Variants in RNF185 observed in about 807,000 individuals in gnomAD.
The protein encoded by RNF185 is E3 ubiquitin-protein ligase RNF185.
A neutral mutation model predicts 24.9 loss-of-function variants in RNF185; 13 were observed. The observed-to-expected ratio is 0.52, with a 90% CI of 0.34 to 0.83. The LOEUF (loss-of-function observed/expected upper bound fraction) is 0.83, where lower values mean the gene tolerates loss of function less well. Among genes scored for constraint, RNF185 ranks in the 40% least tolerant of loss-of-function variants. The pLI, the probability that RNF185 is intolerant of heterozygous loss-of-function variation, is 0.01. For missense variants in RNF185, 184 were observed against 244.7 expected (o/e 0.75, Z 1.65); for synonymous variants, 79 against 90.3 (o/e 0.88, Z 0.71).
intron 1 of RNF185, among the ~76,000 whole-genome samples, chr22:31,166,733 T>TC (rs1186516131): frequency 6.6e-6 from 1 of 151,940 alleles, no homozygotes; most frequent in African/African-American, 2.4e-5. Flanking sequence ...CACTGCAACC[T>TC]CCACCTCCCG....
In RNF185 at chr22:31,205,274, G is replaced by C. The variant is rs2048304307; in HGVS notation, c.*688G>C. On this transcript the variant is annotated 3_prime_UTR_variant, in exon 7 of 7. Coordinates refer to ENST00000326132, the MANE Select transcript of RNF185 (RefSeq NM_152267.4). ...CAGAGAACAACTTGAATGACTTCCT[G>C]GTTTCCTGGCATAAATTATTCCTGG... 1 of 169,896 alleles carries C rather than the reference G, an allele frequency of 5.9e-6. No homozygotes were observed. Among genetic ancestry groups the C allele is most frequent in the East Asian group, 1.9e-4 (1 of 5,208 alleles). 10.5% of individuals were successfully genotyped at this position (169,896 alleles called of 1,614,324 possible). A position where few individuals can be genotyped will look rare whatever the true frequency, so the allele number is the denominator to read the frequency against.
rs938297348 is a variant in RNF185 at position 31,184,937 on chromosome 22, AGGGAGG to A, written c.-48-2096_-48-2091del. On this transcript the variant is annotated intron_variant, in intron 1 of 6. Transcript: ENST00000326132. Reference sequence around the variant, plus strand: ...GAGACGAGGACCGTGCAAAGGGGAGAGGGAGGGGGAGGGGGAGGGAGAGCAATTTTT... The same window carrying A: ...GAGACGAGGACCGTGCAAAGGGGAGAGGGAGGGGGAGGGAGAGCAATTTTT... 2.7e-4 allele frequency among the ~76,000 whole-genome samples: 5 copies of A among 18,568 alleles called. No individual in the cohort carries two copies. The Admixed American group carries it at 3.5e-3, about 13-fold the overall frequency. The allele number at this position is 18,568 out of a possible 152,430, so 12.2% of individuals were successfully genotyped here.
intron 1 of RNF185, among the ~76,000 whole-genome samples, chr22:31,175,452 C>CAAAA (rs397952201): frequency 8.7e-6 from 1 of 115,082 alleles, no homozygotes. Context: ...GAAACTGTCT[C>CAAAA]AAAAAAAAAA....
At chr22:31,193,451 C>G (rs2048174408) in intron 3 of RNF185, among the ~76,000 whole-genome samples, 1 of 152,130 alleles carries the variant, frequency 6.6e-6, no homozygotes, top group South Asian at 2.1e-4. Context: ...TCAGTGCTGC[C>G]ATCTCCTCAG....
intron 1 of RNF185, among the ~76,000 whole-genome samples, chr22:31,178,413 A>T (rs2048003363): frequency 6.6e-6 from 1 of 152,154 alleles, no homozygotes; most frequent in South Asian, 2.1e-4. Context: ...AAACTCTGTT[A>T]ATTAGAGAAT....
intron 1 of RNF185, among the ~76,000 whole-genome samples, chr22:31,180,931 G>T (rs1179413169): frequency 1.3e-5 from 2 of 151,180 alleles, no homozygotes; most frequent in African/African-American, 4.9e-5. Flanking sequence ...GTGTGTGTGT[G>T]TGTGTGTGTG....
intron 1 of RNF185, among the ~76,000 whole-genome samples, chr22:31,163,655 A>ATTTT (rs757983727): frequency 9.4e-5 from 9 of 96,212 alleles, no homozygotes; most frequent in African/African-American, 3.0e-4. Flanking sequence ...TTTTTATTTT[A>ATTTT]TTTTATTTAT....
intron 1 of RNF185, among the ~76,000 whole-genome samples, chr22:31,183,723 T>C (rs1277880106): frequency 6.6e-6 from 1 of 152,244 alleles, no homozygotes; most frequent in East Asian, 1.9e-4. Context: ...ATTAACAGCA[T>C]CCCAAGGCAG....
At chr22:31,170,598 C>A (rs2047919688) in intron 1 of RNF185, among the ~76,000 whole-genome samples, 1 of 152,118 alleles carries the variant, frequency 6.6e-6, no homozygotes, top group Non-Finnish European at 1.5e-5. Context: ...GCAACCTCCA[C>A]CTCCAGGGTT....
chr22:31,168,506 G>A (rs1924074806), intron 1 of RNF185, among the ~76,000 whole-genome samples: 1 of 152,188 alleles, frequency 6.6e-6, no homozygotes, highest in South Asian at 2.1e-4. Context: ...CAGCTATTGT[G>A]AATACTGCTA....
chr22:31,192,549 C>T, intron 2 of RNF185, 135 bp from the exon 3 acceptor site: 1 of 757,496 alleles, frequency 1.3e-6, no homozygotes, highest in Non-Finnish European at 2.4e-6. Context: ...ATGCAGTGCT[C>T]CATAGTTTAC....
intron 3 of RNF185, among the ~76,000 whole-genome samples, chr22:31,194,895 C>T (rs956871907): frequency 2.0e-5 from 3 of 152,240 alleles, no homozygotes; most frequent in East Asian, 3.9e-4. Context: ...TTTCCCTCCC[C>T]CTGTGTTGCT....
Position 31,167,860 on chromosome 22 carries a change from G to T in RNF185, c.-49+7557G>T, listed in dbSNP as rs567532450. The stretch of plus-strand genomic sequence containing the variant: ...ACGCCTGACCTCAAGTGATCCGCCT[G>T]CCTTGGCTTCCCAGAGTGCTGGGAT... On this transcript the variant is annotated intron_variant, in intron 1 of 6. Coordinates refer to ENST00000326132, the MANE Select transcript of RNF185 (RefSeq NM_152267.4). Among the ~76,000 whole-genome samples, 33 of 152,228 alleles carry T rather than the reference G, an allele frequency of 2.2e-4. 1 individual carries two copies. The South Asian group carries it at 6.6e-3, about 31-fold the overall frequency.
chr22:31,163,082 A>G (rs1445805860), intron 1 of RNF185, among the ~76,000 whole-genome samples: 1 of 152,132 alleles, frequency 6.6e-6, no homozygotes, highest in African/African-American at 2.4e-5. Flanking sequence ...ACATTTTTAA[A>G]TGATGGGAAA....
chr22:31,169,936 G>A (rs1924174352), intron 1 of RNF185, among the ~76,000 whole-genome samples: 1 of 151,174 alleles, frequency 6.6e-6, no homozygotes, highest in Non-Finnish European at 1.5e-5. Context: ...AAGCTCCCGA[G>A]TGTTGGATCC....
At position 31,205,983 on chromosome 22, in the gene RNF185, C is replaced by G. The variant is rs955738154; in HGVS notation, c.*1397C>G. 1 of 154,422 alleles carries G rather than the reference C, an allele frequency of 6.5e-6. No individual in the cohort carries two copies. The highest frequency in any genetic ancestry group is 1.5e-5 in the Non-Finnish European group (1 of 68,230). 9.6% of individuals were successfully genotyped at this position (154,422 alleles called of 1,614,324 possible). ...CTTGCTCTGCCTTCTAGGCTTCATCCCAGAAATCCAGCCTCTTTCTGGAGA... is the reference window on the plus strand; with the variant it reads ...CTTGCTCTGCCTTCTAGGCTTCATCGCAGAAATCCAGCCTCTTTCTGGAGA... On this transcript the variant is annotated 3_prime_UTR_variant, in exon 7 of 7. Transcript: ENST00000326132.
At chr22:31,189,159 GTGTGTT>G (rs1239860582) in intron 2 of RNF185, among the ~76,000 whole-genome samples, 9 of 147,908 alleles carry the variant, frequency 6.1e-5, no homozygotes, top group Non-Finnish European at 1.2e-4. Flanking sequence ...GTGTGTGTGT[GTGTGTT>G]TGTGTTTGTG....
chr22:31,167,553 C>A (rs1042053064), intron 1 of RNF185, among the ~76,000 whole-genome samples: 1 of 148,736 alleles, frequency 6.7e-6, no homozygotes, highest in Non-Finnish European at 1.5e-5. Flanking sequence ...TAATAAGATT[C>A]TAATAAGAAA....
intron 5 of RNF185, among the ~76,000 whole-genome samples, chr22:31,197,474 C>CT (rs1488324987): frequency 4.6e-5 from 7 of 152,028 alleles, no homozygotes; most frequent in African/African-American, 1.7e-4. Context: ...TAATTCAATC[C>CT]TTTGTTAGAC....
Sources: gnomAD v4.1 joint callset for allele counts (sites outside exome capture counted in the v4.1 genomes callset) on GRCh38, gnomAD v4.1.1 for gene constraint, MANE v1.5 for transcripts, NCBI Gene and HGNC (gene_info 2026-07-23, HGNC 2026-07-21) for gene names.